Variants in PCDHGB7 observed in about 807,000 individuals in gnomAD.
PCDHGB7 encodes the protein protocadherin gamma subfamily B, 7.
In PCDHGB7, 37 loss-of-function variants were observed where a neutral mutation model predicts 61.4. The observed-to-expected ratio is 0.60, with a 90% CI of 0.46 to 0.79. The LOEUF (loss-of-function observed/expected upper bound fraction) is 0.79. Among genes scored for constraint, PCDHGB7 ranks in the 30% least tolerant of loss-of-function variants. PCDHGB7 has a pLI of 0.00. For synonymous variants in PCDHGB7, 464 were observed against 503.5 expected, an observed-to-expected ratio of 0.92 and a Z score of 1.05; for missense variants, 1,166 against 1,202.5, an observed-to-expected ratio of 0.97 and a Z score of 0.45.
Position 141,419,773 on chromosome 5 carries a change from C to CAG in PCDHGB7, c.1914_1915insAG (p.Arg639SerfsTer6). Reference sequence around the variant, plus strand: ...GTGCTTTGGGTGACAAGGACTCGGTCCGCCAGCGCCTGCTAGTCGCTGTAA... The same window carrying CAG: ...GTGCTTTGGGTGACAAGGACTCGGTCAGCGCCAGCGCCTGCTAGTCGCTGTAA... On this transcript the variant is annotated frameshift_variant, in exon 1 of 4. Transcript: ENST00000398594. LOFTEE classifies it high-confidence loss of function. The CAG allele has an allele frequency of 6.2e-7, 1 of 1,614,034 alleles. No individual in the cohort carries two copies. Among genetic ancestry groups the CAG allele is most frequent in the Non-Finnish European group, 8.5e-7 (1 of 1,179,902 alleles).
In PCDHGB7 at chr5:141,491,225, T is replaced by G. The variant is rs764111440; in HGVS notation, c.2416-3582T>G. The stretch of plus-strand genomic sequence containing the variant: ...CCTTCACTCTCCTCCACAGCCACAG[T>G]GCTGCTGGTTCTGGAGGATGAGGAC... On this transcript the variant is annotated intron_variant, in intron 1 of 3. Transcript: ENST00000398594. This position sits in a 1 kb window ranked among gnomAD's most constrained non-coding sequence, Gnocchi z 6.9. 6.2e-7 allele frequency: 1 copy of G among 1,614,232 alleles called. No individual in the cohort carries two copies. Among genetic ancestry groups the G allele is most frequent in the Non-Finnish European group, 8.5e-7 (1 of 1,180,028 alleles).
At chr5:141,469,552 C>T (rs956606902) in intron 1 of PCDHGB7, among the ~76,000 whole-genome samples, 3 of 151,910 alleles carry the variant, frequency 2.0e-5, no homozygotes, top group Non-Finnish European at 4.4e-5. Flanking sequence ...TCCAGCCTGG[C>T]GACAGAGTGA....
rs1223431294 is a variant in PCDHGB7, at chr5:141,490,280, C to T, written c.2416-4527C>T. ...GATGTGGGGGATGTCAATGACAATG[C>T]CCCAGAGGTGCTATTGGCCTCTTTG... On this transcript the variant is annotated intron_variant, in intron 1 of 3. Transcript: ENST00000398594. The surrounding 1 kb of genome is among the most constrained non-coding windows in gnomAD (Gnocchi z 5.4). The T allele has an allele frequency of 5.6e-6, 9 of 1,614,216 alleles. No individual in the cohort carries two copies. In the East Asian group the frequency reaches 1.8e-4, roughly 32 times the overall value.
In PCDHGB7 at chr5:141,489,911, G is replaced by A; in HGVS notation, c.2416-4896G>A. On this transcript the variant is annotated intron_variant, in intron 1 of 3. Transcript: ENST00000398594. The surrounding 1 kb of genome is among the most constrained non-coding windows in gnomAD (Gnocchi z 4.5). ...GATGGGGGGACCCCAGCCCGCTCAG[G>A]GACCACCCTTATCTCTGTCATCGTG... 3.7e-6 allele frequency: 6 copies of A among 1,614,198 alleles called. No individual in the cohort carries two copies. Among genetic ancestry groups the A allele is most frequent in the Non-Finnish European group, 5.1e-6 (6 of 1,180,042 alleles).
intron 1 of PCDHGB7, chr5:141,421,487 C>A (rs1447180364): frequency 6.2e-7 from 1 of 1,613,976 alleles, no homozygotes; most frequent in East Asian, 2.2e-5. Context: ...AGCTTGATCA[C>A]GGCAGGCAGG....
Position 141,490,089 on chromosome 5 carries a change from C to G in PCDHGB7, c.2416-4718C>G. On this transcript the variant is annotated intron_variant, in intron 1 of 3. Transcript: ENST00000398594. This position sits in a 1 kb window ranked among gnomAD's most constrained non-coding sequence, Gnocchi z 5.4. ...GCCAACTAGACTATTCTTTTGGAGACCACACATCTGAGGCAGTGCGGAACC... is the reference window on the plus strand; with the variant it reads ...GCCAACTAGACTATTCTTTTGGAGAGCACACATCTGAGGCAGTGCGGAACC... 1 of 1,614,232 alleles carries G rather than the reference C, an allele frequency of 6.2e-7. No homozygotes were observed. The highest frequency in any genetic ancestry group is 8.5e-7 in the Non-Finnish European group (1 of 1,180,026).
At chr5:141,492,822 C>T (rs1241767956) in intron 1 of PCDHGB7, among the ~76,000 whole-genome samples, 1 of 152,238 alleles carries the variant, frequency 6.6e-6, no homozygotes, top group Non-Finnish European at 1.5e-5. Context: ...GCACCAGCGG[C>T]CCCTTCCTCC....
chr5:141,471,591 A>T (rs925105880), intron 1 of PCDHGB7: 1 of 152,294 alleles, frequency 6.6e-6, no homozygotes, highest in South Asian at 2.1e-4. Context: ...AGTAATTGAT[A>T]GTTTCAAAAT....
Position 141,485,166 on chromosome 5 carries a change from C to T in PCDHGB7, c.2416-9641C>T, listed in dbSNP as rs1180453938. 2 of 1,606,374 alleles carry T rather than the reference C, an allele frequency of 1.2e-6. No individual in the cohort carries two copies. Among genetic ancestry groups the T allele is most frequent in the Non-Finnish European group, 8.5e-7 (1 of 1,174,214 alleles). ...CAGGAGCAAGTAGAGAATTAGCGGG[C>T]GGCAGCAATGCTCCGCAAGGTGAGA... On this transcript the variant is annotated intron_variant, in intron 1 of 3. Transcript: ENST00000398594. The surrounding 1 kb of genome is among the most constrained non-coding windows in gnomAD (Gnocchi z 5.7).
chr5:141,421,058 A>G, intron 1 of PCDHGB7: 2 of 577,316 alleles, frequency 3.5e-6, no homozygotes, highest in Non-Finnish European at 3.0e-6. Context: ...TCTACCACAC[A>G]AAGCGGAATG....
chr5:141,423,636 C>A, intron 1 of PCDHGB7: 1 of 1,598,388 alleles, frequency 6.3e-7, no homozygotes, highest in Non-Finnish European at 8.5e-7. Context: ...TCATTTTAGG[C>A]AAATGTGACC....
chr5:141,417,699 C>G lies in PCDHGB7; in HGVS notation c.-161C>G. 8.6e-7 allele frequency: 1 copy of G among 1,164,548 alleles called. No homozygotes were observed. The allele number at this position is 1,164,548 out of a possible 1,614,324, so 72.1% of individuals were successfully genotyped here. On this transcript the variant is annotated 5_prime_UTR_variant, in exon 1 of 4. Coordinates refer to ENST00000398594, the MANE Select transcript of PCDHGB7 (RefSeq NM_018927.4). ...AACAACAGAAAAGAAAACCAGCTCC[C>G]ACACAGAGGCTCCCGGCTGCGCAGA...
In PCDHGB7 at chr5:141,418,636, C is replaced by G. The variant is rs564881404; in HGVS notation, c.777C>G (p.Thr259=). Residue 259 remains threonine, a synonymous_variant, in exon 1 of 4, where the codon ACC becomes ACG. Coordinates refer to ENST00000398594, the MANE Select transcript of PCDHGB7 (RefSeq NM_018927.4). ...TTCGGGAAGACGTGCCTCCAGGCACCTCCATCCTGAGAGTGAAGGCCACTG... is the reference window on the plus strand; with the variant it reads ...TTCGGGAAGACGTGCCTCCAGGCACGTCCATCCTGAGAGTGAAGGCCACTG... The part of the protein sequence containing the change: ...VSLREDVPPG[T]SILRVKATDQ... The G allele has an allele frequency of 6.2e-7, 1 of 1,613,980 alleles. No individual in the cohort carries two copies. Among genetic ancestry groups the G allele is most frequent in the South Asian group, 1.1e-5 (1 of 91,086 alleles).
intron 1 of PCDHGB7, among the ~76,000 whole-genome samples, chr5:141,451,719 TA>T (rs2098722539): frequency 6.6e-6 from 1 of 152,016 alleles, no homozygotes; most frequent in Non-Finnish European, 1.5e-5. Flanking sequence ...CTGCCTCTAC[TA>T]AAAATACAAA....
intron 1 of PCDHGB7, among the ~76,000 whole-genome samples, chr5:141,448,430 T>C (rs1468604001): frequency 6.6e-6 from 1 of 152,186 alleles, no homozygotes; most frequent in African/African-American, 2.4e-5. Flanking sequence ...TATGTATATA[T>C]TGAGAAGTCT....
At chr5:141,427,954 T>G in intron 1 of PCDHGB7, 1 of 1,587,162 alleles carries the variant, frequency 6.3e-7, no homozygotes, top group Non-Finnish European at 8.6e-7. Context: ...AATGACAATG[T>G]GCCGCGGGTG....
intron 1 of PCDHGB7, among the ~76,000 whole-genome samples, chr5:141,453,258 T>A (rs1336801456): frequency 1.6e-4 from 25 of 152,096 alleles, no homozygotes; most frequent in Admixed American, 1.6e-3. Flanking sequence ...GGGCTGCAAG[T>A]GCACACCACC....
At position 141,489,515 on chromosome 5, in the gene PCDHGB7, G is replaced by T; in HGVS notation, c.2416-5292G>T. ...CTGGCAGTGAATCAAAAGATTGACC[G>T]AGAAAGCCTATGTGGAGCCAGCACC... On this transcript the variant is annotated intron_variant, in intron 1 of 3. Coordinates refer to ENST00000398594, the MANE Select transcript of PCDHGB7 (RefSeq NM_018927.4). This position sits in a 1 kb window ranked among gnomAD's most constrained non-coding sequence, Gnocchi z 4.5. 4.3e-6 allele frequency: 7 copies of T among 1,614,104 alleles called. No individual in the cohort carries two copies. Among genetic ancestry groups the T allele is most frequent in the Non-Finnish European group, 5.9e-6 (7 of 1,180,034 alleles).
At chr5:141,427,276 T>G (rs1281222927) in intron 1 of PCDHGB7, 1 of 456,754 alleles carries the variant, frequency 2.2e-6, no homozygotes, top group Non-Finnish European at 4.4e-6. Context: ...GAATGTAAAA[T>G]TATACTAGAA....
Sources: allele counts gnomAD v4.1 joint callset (sites outside exome capture counted in the v4.1 genomes callset), GRCh38; gene constraint gnomAD v4.1.1; non-coding constraint Gnocchi (gnomAD v3.1); transcripts MANE v1.5; gene names NCBI Gene and HGNC (gene_info 2026-07-23, HGNC 2026-07-21).